Variants in TTN observed in about 807,000 individuals in gnomAD.
TTN encodes the protein connectin.
A neutral mutation model predicts 3,223.0 loss-of-function variants in TTN; 1,525 were observed. The ratio of observed to expected loss-of-function variants is 0.47; its 90% CI spans 0.45 to 0.49. TTN has a LOEUF of 0.49. Ranked by LOEUF, TTN falls within the 20% of genes least tolerant of loss-of-function variation. The pLI, the probability that TTN is intolerant of heterozygous loss-of-function variation, is 0.00. For synonymous variants in TTN, 14,094 were observed against 15,161.0 expected, an observed-to-expected ratio of 0.93 and a Z score of 5.17; for missense variants, 40,786 against 43,424.0, an observed-to-expected ratio of 0.94 and a Z score of 5.40.
Position 178,573,713 on chromosome 2 carries a change from C to T in TTN, c.72419G>A (p.Cys24140Tyr), listed in dbSNP as rs879192818. Reference sequence around the variant, plus strand: ...CAGTGGAGGGAACCATGATAGTACACACTTTTCTGATGTCACTTCAGTTAC... The same window carrying T: ...CAGTGGAGGGAACCATGATAGTACATACTTTTCTGATGTCACTTCAGTTAC... ...LAVTEVTSEKCVLSWFPPLDD... is the reference protein window; with the variant it reads ...LAVTEVTSEKYVLSWFPPLDD... The change falls in exon 326 of 363, where the codon TGT (cysteine) becomes TAT (tyrosine). Residue 24140 changes from cysteine (C) to tyrosine (Y), a missense_variant. Coordinates refer to ENST00000589042, the MANE Select transcript of TTN (RefSeq NM_001267550.2). 1.9e-6 allele frequency: 3 copies of T among 1,546,524 alleles called. No homozygotes were observed. The highest frequency in any genetic ancestry group is 2.6e-6 in the Non-Finnish European group (3 of 1,147,876).
At chr2:178,622,854 T>C in intron 242 of TTN, 87 bp from the exon 243 acceptor site, 1 of 1,033,182 alleles carries the variant, frequency 9.7e-7, no homozygotes. Context: ...AAAAAGTGAC[T>C]CTTTTTTAGG....
intron 313 of TTN, 170 bp downstream of exon 313, chr2:178,582,770 T>C (rs2048076723): frequency 2.2e-6 from 2 of 921,720 alleles, no homozygotes; most frequent in South Asian, 5.4e-5. Context: ...AAATATGTGA[T>C]TTCTAAAGCT....
At position 178,608,394 on chromosome 2, in the gene TTN, T is replaced by C; in HGVS notation, c.52489A>G (p.Asn17497Asp). 6.2e-7 allele frequency: 1 copy of C among 1,610,672 alleles called. No homozygotes were observed. The highest frequency in any genetic ancestry group is 8.5e-7 in the Non-Finnish European group (1 of 1,178,308). The change falls in exon 275 of 363, where the codon AAT (asparagine) becomes GAT (aspartate). Residue 17497 changes from asparagine to aspartate, a missense_variant. Coordinates refer to ENST00000589042, the MANE Select transcript of TTN (RefSeq NM_001267550.2). ...MLVKWNEPKD[N>D]GSPILGYWLE... ...CAGTAACCCAAAATGGGGCTTCCATTATCTTTTGGTTCATTCCATTTCACT... is the reference window on the plus strand; with the variant it reads ...CAGTAACCCAAAATGGGGCTTCCATCATCTTTTGGTTCATTCCATTTCACT...
rs756221028 is a variant in TTN, at chr2:178,782,277, A to T, written c.3315T>A (p.Val1105=). ...EGGSVVFGCQ[V]GGNPKPHVYW... ...ATACATGGGGCTTTGGGTTGCCGCCAACTTGGCATCCAAACACCACGCTCC... is the reference window on the plus strand; with the variant it reads ...ATACATGGGGCTTTGGGTTGCCGCCTACTTGGCATCCAAACACCACGCTCC... The change falls in exon 20 of 363, where the codon GTT becomes GTA. Residue 1105 remains valine, a synonymous_variant. Transcript: ENST00000589042. 2 of 1,614,084 alleles carry T rather than the reference A, an allele frequency of 1.2e-6. No individual in the cohort carries two copies. The highest frequency in any genetic ancestry group is 1.7e-6 in the Non-Finnish European group (2 of 1,179,990).
chr2:178,544,376 C>T lies in TTN; in HGVS notation c.95853G>A (p.Lys31951=). ...GCACTCGGTACCACTGATCAGTGTC[C>T]TTCTCTTGCATTTCCAGAACATATC... The part of the protein sequence containing the change: ...IVGYVLEMQE[K]DTDQWYRVHT... The change falls in exon 345 of 363, where the codon AAG becomes AAA. Residue 31951 remains lysine, a synonymous_variant. Transcript: ENST00000589042. 6.2e-7 allele frequency: 1 copy of T among 1,613,656 alleles called. No individual in the cohort carries two copies. The highest frequency in any genetic ancestry group is 8.5e-7 in the Non-Finnish European group (1 of 1,179,720).
Position 178,680,309 on chromosome 2 carries a change from A to G in TTN, c.33363T>C (p.Val11121=), listed in dbSNP as rs1168151954. The G allele has an allele frequency of 1.2e-6, 2 of 1,611,928 alleles. No individual in the cohort carries two copies. The highest frequency in any genetic ancestry group is 3.4e-5 in the Admixed American group (2 of 59,600). The change falls in exon 139 of 363, where the codon GTT becomes GTC. Residue 11121 remains valine (V), a synonymous_variant. Coordinates refer to ENST00000589042, the MANE Select transcript of TTN (RefSeq NM_001267550.2). ...GGACAGGTACTTTTTCTTCTGCGAC[A>G]ACCCTCTTGGGCTTCATGGGCACTT... ...AAKVPMKPKR[V]VAEEKVPVPR...
Position 178,692,597 on chromosome 2 carries a change from C to A in TTN, c.31595-17G>T. 1 of 1,499,068 alleles carries A rather than the reference C, an allele frequency of 6.7e-7. No homozygotes were observed. The highest frequency in any genetic ancestry group is 8.9e-7 in the Non-Finnish European group (1 of 1,126,066). The allele number at this position is 1,499,068 out of a possible 1,614,324, so 92.9% of individuals were successfully genotyped here. On this transcript the variant is annotated splice_polypyrimidine_tract_variant and intron_variant, in intron 119 of 362. Coordinates refer to ENST00000589042, the MANE Select transcript of TTN (RefSeq NM_001267550.2). ...GCTCAGGGACTTTAAAAGAAAAGTGCCATTTTTGAGAAAGTGTGCATTTGA... is the reference window on the plus strand; with the variant it reads ...GCTCAGGGACTTTAAAAGAAAAGTGACATTTTTGAGAAAGTGTGCATTTGA...
In TTN at chr2:178,741,703, T is replaced by C. The variant is rs1266364042; in HGVS notation, c.11530A>G (p.Ile3844Val). Residue 3844 changes from isoleucine to valine, a missense_variant, in exon 48 of 363, where the codon ATT becomes GTT. By Grantham distance (29) the Ile-to-Val change is conservative. Transcript: ENST00000589042. ...GDVATLSVTV[I>V]GIPKPKIQWF... ...TGAATTTTAGGTTTGGGGATGCCAATGACAGTTACAGACAGTGTAGCCACA... is the reference window on the plus strand; with the variant it reads ...TGAATTTTAGGTTTGGGGATGCCAACGACAGTTACAGACAGTGTAGCCACA... 1.2e-6 allele frequency: 2 copies of C among 1,613,626 alleles called. No individual in the cohort carries two copies. The highest frequency in any genetic ancestry group is 1.6e-4 in the Middle Eastern group (1 of 6,084).
In TTN at chr2:178,568,319, C is replaced by G. The variant is rs186681106; in HGVS notation, c.77813G>C (p.Trp25938Ser). Residue 25938 changes from tryptophan to serine, a missense_variant, in exon 326 of 363, where the codon TGG becomes TCG. Trp to Ser is a radical substitution (Grantham distance 177). Transcript: ENST00000589042. ...AGCAACAGTAGCAGAAACAACATCC[C>G]ATACTGTGGTGGTTGTATCTCTTTT... Reference protein sequence around the residue: ...VQKRDTTTTVWDVVSATVART... With the variant: ...VQKRDTTTTVSDVVSATVART... The G allele has an allele frequency of 3.6e-4, 580 of 1,613,438 alleles. No homozygotes were observed. Among genetic ancestry groups the G allele is most frequent in the African/African-American group, 3.0e-3 (226 of 74,986 alleles).
chr2:178,548,358 C>T lies in TTN; in HGVS notation c.93268G>A (p.Val31090Ile), dbSNP rs886044086. ...ACACCATACTCATTTACTGCAGAAA[C>T]ACGGAAATAGTACGGAACACCTTCG... ...LAEGVPYYFR[V>I]SAVNEYGVGE... Residue 31090 changes from valine (V) to isoleucine (I), a missense_variant, in exon 339 of 363, where the codon GTT (valine) becomes ATT (isoleucine). Physicochemically the swap from Val to Ile is conservative, Grantham distance 29. Transcript: ENST00000589042. This position sits in a 1 kb window ranked among gnomAD's most constrained non-coding sequence, Gnocchi z 4.3. The T allele has an allele frequency of 6.2e-7, 1 of 1,613,752 alleles. No individual in the cohort carries two copies. Among genetic ancestry groups the T allele is most frequent in the African/African-American group, 1.3e-5 (1 of 74,914 alleles).
chr2:178,730,761 CT>C lies in TTN; in HGVS notation c.17771del (p.Lys5924SerfsTer2). On this transcript the variant is annotated frameshift_variant, in exon 61 of 363. Coordinates refer to ENST00000589042, the MANE Select transcript of TTN (RefSeq NM_001267550.2). LOFTEE classifies it high-confidence loss of function. ...CTTTAATGCTGTCCATTTTCTTCAG[CT>C]TTTTGGTGAATGAAGGAGGTATGAT... ...DLIIPPSFTK[K>X]LKKMDSIKGS... 6.2e-7 allele frequency: 1 copy of C among 1,605,562 alleles called. No homozygotes were observed. Among genetic ancestry groups the C allele is most frequent in the Non-Finnish European group, 8.5e-7 (1 of 1,174,178 alleles).
Position 178,785,627 on chromosome 2 carries a change from C to T in TTN, c.2486G>A (p.Gly829Glu). The T allele has an allele frequency of 6.2e-7, 1 of 1,614,102 alleles. No homozygotes were observed. Among genetic ancestry groups the T allele is most frequent in the Non-Finnish European group, 8.5e-7 (1 of 1,179,990 alleles). The change falls in exon 15 of 363, where the codon GGA becomes GAA. Residue 829 changes from glycine to glutamate, a missense_variant. Gly to Glu is a moderately conservative substitution (Grantham distance 98, BLOSUM62 -2). Transcript: ENST00000589042. ...SKISVPKTEH[G>E]YEASIAGSAI... ...TGCTCTGTAACTTCTTACCTCATAT[C>T]CATGTTCTGTCTTAGGAACAGAAAT...
intron 240 of TTN, among the ~76,000 whole-genome samples, chr2:178,626,117 A>T (rs1037201157): frequency 6.6e-6 from 1 of 152,004 alleles, no homozygotes; most frequent in Non-Finnish European, 1.5e-5. Context: ...AATATCAGCT[A>T]TGGCAAGCTA....
Position 178,768,079 on chromosome 2 carries a change from T to G in TTN, c.9240A>C (p.Glu3080Asp). ...LEKKRAMFECEVSEPDITVQW... is the reference protein window; with the variant it reads ...LEKKRAMFECDVSEPDITVQW... ...GTACAGTGATGTCAGGTTCAGAAAC[T>G]TCACATTCAAACATGGCTCGCTTCT... Residue 3080 changes from glutamate (E) to aspartate (D), a missense_variant, in exon 39 of 363, where the codon GAA becomes GAC. Coordinates refer to ENST00000589042, the MANE Select transcript of TTN (RefSeq NM_001267550.2). The G allele has an allele frequency of 3.1e-6, 5 of 1,614,124 alleles. No individual in the cohort carries two copies. Among genetic ancestry groups the G allele is most frequent in the Non-Finnish European group, 4.2e-6 (5 of 1,180,002 alleles).
chr2:178,690,547 A>T (rs1480989023), intron 121 of TTN, among the ~76,000 whole-genome samples: 2 of 152,090 alleles, frequency 1.3e-5, no homozygotes, highest in African/African-American at 4.8e-5. Flanking sequence ...CAGGGTTTTC[A>T]ACCTAAAAAA....
At position 178,776,519 on chromosome 2, in the gene TTN, T is replaced by C; in HGVS notation, c.5345A>G (p.Lys1782Arg). The C allele has an allele frequency of 1.2e-6, 2 of 1,609,652 alleles. No homozygotes were observed. The highest frequency in any genetic ancestry group is 1.7e-6 in the Non-Finnish European group (2 of 1,179,986). Residue 1782 changes from lysine (K) to arginine (R), a missense_variant, in exon 28 of 363, where the codon AAA (lysine) becomes AGA (arginine). By Grantham distance (26) the Lys-to-Arg change is conservative. Transcript: ENST00000589042. Reference protein sequence around the residue: ...SGIITCRATNKYGTDHTSATL... With the variant: ...SGIITCRATNRYGTDHTSATL... Reference sequence around the variant, plus strand: ...AGCAGATGTGTGATCTGTTCCATATTTGTTAGTGGCTCTGCAAGTAATGAT... The same window carrying C: ...AGCAGATGTGTGATCTGTTCCATATCTGTTAGTGGCTCTGCAAGTAATGAT...
At position 178,559,839 on chromosome 2, in the gene TTN, T is replaced by A. The variant is rs1216320411; in HGVS notation, c.86293A>T (p.Ile28765Phe). 1 of 1,611,034 alleles carries A rather than the reference T, an allele frequency of 6.2e-7. No individual in the cohort carries two copies. ...DIDSEMRKTL[I>F]VKAGASFTMT... is the part of the protein sequence containing the mutation. ...GTAAATGAGGCACCAGCCTTGACAATCAAGGTCTTCCTCATTTCACTGTCA... is the reference window on the plus strand; with the variant it reads ...GTAAATGAGGCACCAGCCTTGACAAACAAGGTCTTCCTCATTTCACTGTCA... Residue 28765 changes from isoleucine (I) to phenylalanine (F), a missense_variant, in exon 326 of 363, where the codon ATT becomes TTT. Ile to Phe is a conservative substitution (Grantham distance 21). Transcript: ENST00000589042.
At chr2:178,550,468 C>G in intron 336 of TTN, 195 bp from the exon 337 acceptor site, 1 of 545,752 alleles carries the variant, frequency 1.8e-6, no homozygotes, top group East Asian at 3.0e-5. Flanking sequence ...TATTATTATT[C>G]CCTTTGTAAT....
intron 13 of TTN, among the ~76,000 whole-genome samples, chr2:178,787,161 A>G (rs1316256324): frequency 6.6e-6 from 1 of 152,174 alleles, no homozygotes; most frequent in African/African-American, 2.4e-5. Flanking sequence ...AATGCATCAG[A>G]AACATTCTTC....
Sources: allele counts gnomAD v4.1 joint callset (sites outside exome capture counted in the v4.1 genomes callset), GRCh38; gene constraint gnomAD v4.1.1; non-coding constraint Gnocchi (gnomAD v3.1); transcripts MANE v1.5; gene names NCBI Gene and HGNC (gene_info 2026-07-23, HGNC 2026-07-21).